INPP5D: variants seen among roughly 807,000 people sequenced by gnomAD.
The protein encoded by INPP5D is inositol polyphosphate-5-phosphatase D.
A neutral mutation model predicts 122.9 loss-of-function variants in INPP5D; 33 were observed. That is an observed-to-expected ratio of 0.27 (90% confidence interval 0.20 to 0.36). INPP5D has a LOEUF of 0.36. Ranked by LOEUF, INPP5D falls within the 10% of genes least tolerant of loss-of-function variation. The probability of loss-of-function intolerance (pLI) is 1.00; values close to 1 mark genes in which losing one functional copy is unlikely to be tolerated. For missense variants in INPP5D, 1,053 were observed against 1,412.7 expected (o/e 0.75, Z 4.08); for synonymous variants, 584 against 576.2 (o/e 1.01, Z -0.19).
At chr2:233,104,728 G>A (rs1192618722) in intron 2 of INPP5D, among the ~76,000 whole-genome samples, 1 of 152,142 alleles carries the variant, frequency 6.6e-6, no homozygotes, top group Non-Finnish European at 1.5e-5. Flanking sequence ...TGAATCGTTT[G>A]GTCAGCTGTT....
chr2:233,161,832 TCCGCGCGCCC>T lies in INPP5D; in HGVS notation c.1240+9_1240+18del. 1 of 1,610,752 alleles carries T rather than the reference TCCGCGCGCCC, an allele frequency of 6.2e-7. No homozygotes were observed. Among genetic ancestry groups the T allele is most frequent in the Non-Finnish European group, 8.5e-7 (1 of 1,178,390 alleles). Reference sequence around the variant, plus strand: ...CATCGGCACCTGGAACATGGGTGGGTCCGCGCGCCCCCTCCCTGCAGTCACCCCCTCTGCT... The same window carrying T: ...CATCGGCACCTGGAACATGGGTGGGTCCTCCCTGCAGTCACCCCCTCTGCT... On this transcript the variant is annotated splice_region_variant and intron_variant, in intron 11 of 26. Transcript: ENST00000445964.
chr2:233,207,835 G>A lies in INPP5D; in HGVS notation c.*1127G>A, dbSNP rs570065047. On this transcript the variant is annotated 3_prime_UTR_variant, in exon 27 of 27. Transcript: ENST00000445964. The surrounding 1 kb of genome is among the most constrained non-coding windows in gnomAD (Gnocchi z 4.6). ...AAATCCAGTGGTGTGTGTGAATGCA[G>A]AAGGGAATGCACCCCACATTCCCAT... 2.0e-5 allele frequency: 3 copies of A among 152,490 alleles called. No individual in the cohort carries two copies. The South Asian group carries it at 6.2e-4, about 32-fold the overall frequency. 9.4% of individuals were successfully genotyped at this position (152,490 alleles called of 1,614,324 possible).
At chr2:233,065,589 T>C (rs1395053070) in intron 1 of INPP5D, among the ~76,000 whole-genome samples, 1 of 8,294 alleles carries the variant, frequency 1.2e-4, no homozygotes, top group Non-Finnish European at 2.0e-4. Context: ...CCTTCTTTCT[T>C]TCTTTCTTTC....
intron 22 of INPP5D, among the ~76,000 whole-genome samples, chr2:233,192,478 C>T (rs961274784): frequency 6.6e-6 from 1 of 152,166 alleles, no homozygotes; most frequent in Admixed American, 6.5e-5. Flanking sequence ...ACTTACATCA[C>T]AGAAACATCA....
chr2:233,105,281 G>A lies in INPP5D; in HGVS notation c.199-16826G>A, dbSNP rs988396013. Among the ~76,000 whole-genome samples the A allele has an allele frequency of 5.9e-5, 9 of 151,982 alleles. No homozygotes were observed. The highest frequency in any genetic ancestry group is 1.3e-4 in the Non-Finnish European group (9 of 67,972). On this transcript the variant is annotated intron_variant, in intron 2 of 26. Coordinates refer to ENST00000445964, the MANE Select transcript of INPP5D (RefSeq NM_001017915.3). The surrounding 1 kb of genome is among the most constrained non-coding windows in gnomAD (Gnocchi z 4.0). The stretch of plus-strand genomic sequence containing the variant: ...TCTCTGTAAGAACCTGGCTATGGTT[G>A]GAAACCGTCATTTCTATCTACACCT...
chr2:233,148,319 C>G (rs1279182405), intron 9 of INPP5D, among the ~76,000 whole-genome samples: 1 of 67,118 alleles, frequency 1.5e-5, no homozygotes, highest in African/African-American at 6.8e-5. Flanking sequence ...ATGAAAAGCG[C>G]TACAAAGAAA....
At chr2:233,200,616 G>A (rs1309680329) in intron 25 of INPP5D, among the ~76,000 whole-genome samples, 1 of 152,206 alleles carries the variant, frequency 6.6e-6, no homozygotes, top group African/African-American at 2.4e-5. Flanking sequence ...TCCTCTGGAT[G>A]GAGAAGCTGT....
intron 17 of INPP5D, among the ~76,000 whole-genome samples, chr2:233,172,712 G>A (rs1231602552): frequency 2.6e-5 from 4 of 152,188 alleles, no homozygotes; most frequent in South Asian, 2.1e-4. Flanking sequence ...TCCGAGAAGC[G>A]TGTCATTAGG....
intron 3 of INPP5D, among the ~76,000 whole-genome samples, chr2:233,124,738 G>A (rs888190190): frequency 9.8e-5 from 15 of 152,390 alleles, no homozygotes; most frequent in African/African-American, 3.6e-4. Context: ...GGGCATGGCT[G>A]TCTGGAGGAA....
At chr2:233,099,993 G>T (rs545827068) in intron 2 of INPP5D, among the ~76,000 whole-genome samples, 1 of 152,310 alleles carries the variant, frequency 6.6e-6, no homozygotes, top group African/African-American at 2.4e-5. Context: ...AAAGCCATCA[G>T]ATCTCATGAG....
At chr2:233,127,927 A>G (rs528464152) in intron 4 of INPP5D, among the ~76,000 whole-genome samples, 1 of 152,318 alleles carries the variant, frequency 6.6e-6, no homozygotes, top group South Asian at 2.1e-4. Context: ...CATTTTAACA[A>G]ATAGAACTGC....
chr2:233,087,808 T>C (rs1475914070), intron 2 of INPP5D, among the ~76,000 whole-genome samples: 1 of 152,230 alleles, frequency 6.6e-6, no homozygotes, highest in Non-Finnish European at 1.5e-5. Flanking sequence ...ACCCTTGCTG[T>C]AGTCATCAAT....
chr2:233,088,548 T>C (rs1049459732), intron 2 of INPP5D, among the ~76,000 whole-genome samples: 2 of 152,248 alleles, frequency 1.3e-5, no homozygotes, highest in African/African-American at 4.8e-5. Context: ...CTCAAGCTTC[T>C]GTTTCCTCCT....
chr2:233,149,708 C>T (rs1693873975), intron 9 of INPP5D, among the ~76,000 whole-genome samples: 1 of 152,150 alleles, frequency 6.6e-6, no homozygotes, highest in Non-Finnish European at 1.5e-5. Context: ...GTGCAAGTAG[C>T]CCAGTCTTGA....
intron 4 of INPP5D, among the ~76,000 whole-genome samples, chr2:233,126,919 TAAAAA>T (rs34152360): frequency 6.8e-6 from 1 of 147,218 alleles, no homozygotes; most frequent in Non-Finnish European, 1.5e-5. Flanking sequence ...AAACTGCGTC[TAAAAA>T]AAAAAAAAAT....
rs1300402433 is a variant in INPP5D at position 233,176,146 on chromosome 2, T to C, written c.1990-1119T>C. On this transcript the variant is annotated intron_variant, in intron 17 of 26. Transcript: ENST00000445964. ...GGATAAGGATATTGATAAAAGAGGG[T>C]TGTTATTGCCAGTTTACCTTGTCTA... is the stretch of plus-strand genomic sequence containing the variant. Among the ~76,000 whole-genome samples, 10 of 152,132 alleles carry C rather than the reference T, an allele frequency of 6.6e-5. No homozygotes were observed. The East Asian group carries it at 1.9e-3, about 29-fold the overall frequency.
At chr2:233,153,402 C>G (rs2106285772) in intron 9 of INPP5D, among the ~76,000 whole-genome samples, 1 of 152,274 alleles carries the variant, frequency 6.6e-6, no homozygotes, top group Admixed American at 6.5e-5. Flanking sequence ...AATGCATGCT[C>G]TGCCATCAGT....
intron 2 of INPP5D, among the ~76,000 whole-genome samples, chr2:233,091,982 C>T (rs1183688079): frequency 3.3e-5 from 5 of 152,146 alleles, no homozygotes; most frequent in Non-Finnish European, 5.9e-5. Context: ...ATTTGCAATA[C>T]AAACAAAGTG....
At chr2:233,168,026 GAAA>G (rs1694393547) in intron 13 of INPP5D, among the ~76,000 whole-genome samples, 3 of 92,562 alleles carry the variant, frequency 3.2e-5, no homozygotes, top group Non-Finnish European at 5.1e-5. Flanking sequence ...AAAAAAAAAA[GAAA>G]GAAAGGAAGA....
Sources: gnomAD v4.1 joint callset for allele counts (sites outside exome capture counted in the v4.1 genomes callset) on GRCh38, gnomAD v4.1.1 for gene constraint, Gnocchi (gnomAD v3.1) non-coding constraint, MANE v1.5 for transcripts, NCBI Gene and HGNC (gene_info 2026-07-23, HGNC 2026-07-21) for gene names.